Variants in CEP85L observed in about 807,000 individuals in gnomAD.
CEP85L encodes the protein centrosomal protein of 85 kDa-like.
A neutral mutation model predicts 100.3 loss-of-function variants in CEP85L; 60 were observed. That is an observed-to-expected ratio of 0.60 (90% CI 0.49 to 0.74). The LOEUF (loss-of-function observed/expected upper bound fraction) is 0.74. Ranked by LOEUF, CEP85L falls within the 30% of genes least tolerant of loss-of-function variation. The pLI is 0.00. For missense variants in CEP85L, 973 were observed against 936.2 expected, an observed-to-expected ratio of 1.04 and a Z score of -0.51; for synonymous variants, 319 against 322.7, an observed-to-expected ratio of 0.99 and a Z score of 0.12.
At chr6:118,590,235 T>A (rs1006625899) in intron 2 of CEP85L, among the ~76,000 whole-genome samples, 8 of 152,078 alleles carry the variant, frequency 5.3e-5, no homozygotes, top group African/African-American at 1.9e-4. Context: ...AATAAACATT[T>A]ACAAACTTAA....
intron 6 of CEP85L, among the ~76,000 whole-genome samples, chr6:118,487,273 C>T (rs865822412): frequency 3.3e-5 from 5 of 152,128 alleles, no homozygotes; most frequent in Middle Eastern, 3.2e-3. Flanking sequence ...TGTATCAATA[C>T]ACAGTTTATC....
intron 3 of CEP85L, among the ~76,000 whole-genome samples, chr6:118,545,606 TA>T (rs1778154909): frequency 6.6e-6 from 1 of 152,280 alleles, no homozygotes; most frequent in South Asian, 2.1e-4. Context: ...AAAAAATTAG[TA>T]ATACTTTTGA....
At chr6:118,646,134 T>C (rs896960996) in intron 1 of CEP85L, among the ~76,000 whole-genome samples, 9 of 152,160 alleles carry the variant, frequency 5.9e-5, no homozygotes, top group African/African-American at 1.9e-4. Flanking sequence ...GAAGAATCAC[T>C]TGAACCCATG....
intron 1 of CEP85L, among the ~76,000 whole-genome samples, chr6:118,670,743 AC>A (rs1219542396): frequency 6.6e-6 from 1 of 152,162 alleles, no homozygotes. Context: ...TGCAGCAGAA[AC>A]ACAAAAATCT....
At chr6:118,471,248 G>C (rs1426881538) in intron 10 of CEP85L, among the ~76,000 whole-genome samples, 1 of 152,144 alleles carries the variant, frequency 6.6e-6, no homozygotes, top group Non-Finnish European at 1.5e-5. Context: ...ACTATTGTGA[G>C]TACGCCAAAG....
rs77588970 is a variant in CEP85L, at chr6:118,666,010, G to C, written c.-27-13202C>G. Among the ~76,000 whole-genome samples the C allele has an allele frequency of 4.2e-4, 64 of 152,228 alleles. No homozygotes were observed. In the East Asian group the frequency reaches 0.012, roughly 28 times the overall value. ...AGTTATCACCCACATATGATTGCTT[G>C]GTTAACAAACATTTATTTAACTTTT... On this transcript the variant is annotated intron_variant, in intron 1 of 13. Coordinates refer to the CEP85L transcript ENST00000368488.
chr6:118,567,562 T>C (rs1373169123), intron 2 of CEP85L, among the ~76,000 whole-genome samples: 2 of 152,092 alleles, frequency 1.3e-5, no homozygotes, highest in Admixed American at 6.6e-5. Flanking sequence ...AAGACTATAA[T>C]TTTGTAATCA....
intron 7 of CEP85L, 125 bp from the exon 8 acceptor site, chr6:118,482,058 A>T (rs1047073757): frequency 1.9e-6 from 1 of 526,334 alleles, no homozygotes; most frequent in Non-Finnish European, 3.0e-6. Context: ...AAAGAATCAC[A>T]CTGTATTTTA....
chr6:118,462,236 T>C lies in CEP85L; in HGVS notation c.*3169A>G, dbSNP rs1161259575. ...ATATAATACTGTTAGCATTAAATAT[T>C]GAATCCTAGGTGCCACACTTCTTTT... On this transcript the variant is annotated 3_prime_UTR_variant, in exon 13 of 13. Coordinates refer to ENST00000368491, the MANE Select transcript of CEP85L (RefSeq NM_001042475.3). The C allele has an allele frequency of 3.3e-5, 5 of 152,190 alleles. No homozygotes were observed. In the East Asian group the frequency reaches 9.6e-4, roughly 29 times the overall value. 9.4% of individuals were successfully genotyped at this position (152,190 alleles called of 1,614,324 possible). A position where few individuals can be genotyped will look rare whatever the true frequency, so the allele number is the denominator to read the frequency against.
chr6:118,564,980 C>T (rs144155148), intron 3 of CEP85L: 141 of 152,930 alleles, frequency 9.2e-4, no homozygotes, highest in Non-Finnish European at 1.3e-3. Flanking sequence ...TTAATGAATG[C>T]CTTGACACAT....
intron 10 of CEP85L, among the ~76,000 whole-genome samples, chr6:118,479,621 T>G (rs77239153): frequency 0.012 from 1,827 of 152,212 alleles, 29 homozygotes; most frequent in African/African-American, 0.042. Context: ...TTGTATTCTC[T>G]CCAACTCACC....
At chr6:118,661,293 A>G (rs1311106447) in intron 1 of CEP85L, among the ~76,000 whole-genome samples, 1 of 152,202 alleles carries the variant, frequency 6.6e-6, no homozygotes, top group Non-Finnish European at 1.5e-5. Flanking sequence ...ACTTGTATAA[A>G]CAAAATTGGT....
intron 1 of CEP85L, among the ~76,000 whole-genome samples, chr6:118,707,445 C>T (rs746981521): frequency 1.8e-4 from 27 of 152,216 alleles, no homozygotes; most frequent in Non-Finnish European, 3.4e-4. Context: ...CCTCCCGCCT[C>T]GGCCTCCCAA....
At chr6:118,676,581 C>T (rs1776491019) in intron 1 of CEP85L, among the ~76,000 whole-genome samples, 1 of 152,180 alleles carries the variant, frequency 6.6e-6, no homozygotes, top group Non-Finnish European at 1.5e-5. Flanking sequence ...TTTCATTATT[C>T]ATTCACCCAC....
intron 4 of CEP85L, among the ~76,000 whole-genome samples, chr6:118,522,438 A>G (rs13217710): frequency 0.46 from 70,153 of 152,078 alleles, 16,671 homozygotes; most frequent in Middle Eastern, 0.57. Context: ...TTATTCGTAT[A>G]TAACATTCAC....
In CEP85L at chr6:118,501,832, G is replaced by C. The variant is rs138267665; in HGVS notation, c.1257+9466C>G. 154 of 1,216,060 alleles carry C rather than the reference G, an allele frequency of 1.3e-4. 1 individual carries two copies. In the East Asian group the frequency reaches 3.6e-3, roughly 28 times the overall value. 75.3% of individuals were successfully genotyped at this position (1,216,060 alleles called of 1,614,324 possible). A position where few individuals can be genotyped will look rare whatever the true frequency, so the allele number is the denominator to read the frequency against. The stretch of plus-strand genomic sequence containing the variant: ...GCTGAGAGAGAGAGAGAGAGAGAGA[G>C]GACTCTGGAGATGCCGAAGCACAAG... On this transcript the variant is annotated intron_variant, in intron 5 of 12. Coordinates refer to ENST00000368491, the MANE Select transcript of CEP85L (RefSeq NM_001042475.3).
chr6:118,524,888 T>C (rs1030753978), intron 3 of CEP85L, among the ~76,000 whole-genome samples: 1 of 152,132 alleles, frequency 6.6e-6, no homozygotes, highest in Non-Finnish European at 1.5e-5. Context: ...GGTGGAGCCA[T>C]GGGGAATTCC....
intron 5 of CEP85L, chr6:118,502,386 C>T (rs376335791): frequency 5.7e-6 from 3 of 524,856 alleles, no homozygotes; most frequent in Non-Finnish European, 3.6e-6. Context: ...AGATAGTTTG[C>T]TGGATGTTTT....
intron 2 of CEP85L, among the ~76,000 whole-genome samples, chr6:118,585,290 T>C (rs1780793998): frequency 6.6e-6 from 1 of 152,232 alleles, no homozygotes; most frequent in Admixed American, 6.5e-5. Context: ...GAAAGGCATT[T>C]TCTTACCACC....
Sources: gnomAD v4.1 joint callset for allele counts (sites outside exome capture counted in the v4.1 genomes callset) on GRCh38, gnomAD v4.1.1 for gene constraint, MANE v1.5 for transcripts, NCBI Gene and HGNC (gene_info 2026-07-23, HGNC 2026-07-21) for gene names.